CDH18: variants seen among roughly 807,000 people sequenced by gnomAD.
CDH18 encodes cadherin 18.
In CDH18, 31 loss-of-function variants were observed where a neutral mutation model predicts 67.9. That is an observed-to-expected ratio of 0.46 (90% CI 0.34 to 0.62). The LOEUF (loss-of-function observed/expected upper bound fraction) is 0.62. Among genes scored for constraint, CDH18 ranks in the 20% least tolerant of loss-of-function variants. The pLI is 0.01. For synonymous variants in CDH18, 362 were observed against 347.2 expected (o/e 1.04, Z -0.48); for missense variants, 890 against 975.5 (o/e 0.91, Z 1.17).
At chr5:19,638,880 G>A (rs923641894) in intron 5 of CDH18, among the ~76,000 whole-genome samples, 3 of 148,330 alleles carry the variant, frequency 2.0e-5, no homozygotes, top group African/African-American at 7.5e-5. Context: ...AACAAGGGGA[G>A]CAGTCAACAA....
chr5:19,658,298 T>C (rs181092656), intron 5 of CDH18, among the ~76,000 whole-genome samples: 1 of 152,124 alleles, frequency 6.6e-6, no homozygotes, highest in East Asian at 1.9e-4. Context: ...AAAATTATTT[T>C]TAATTAAAAC....
chr5:19,491,381 A>G (rs1741442474), intron 11 of CDH18, among the ~76,000 whole-genome samples: 1 of 152,172 alleles, frequency 6.6e-6, no homozygotes, highest in South Asian at 2.1e-4. Flanking sequence ...AAATGGTTAT[A>G]CTCTGTAGAG....
chr5:20,282,804 C>A (rs1478066446), intron 1 of CDH18, among the ~76,000 whole-genome samples: 1 of 151,794 alleles, frequency 6.6e-6, no homozygotes, highest in African/African-American at 2.4e-5. Context: ...ATATGAAACA[C>A]AAAAGACCAA....
chr5:19,577,769 A>G (rs1043600907), intron 7 of CDH18, among the ~76,000 whole-genome samples: 4 of 152,256 alleles, frequency 2.6e-5, no homozygotes, highest in African/African-American at 9.6e-5. Flanking sequence ...TCGTGGAGAC[A>G]GGCTATAGAG....
intron 3 of CDH18, among the ~76,000 whole-genome samples, chr5:19,788,883 C>G (rs990071305): frequency 6.6e-6 from 1 of 152,150 alleles, no homozygotes; most frequent in African/African-American, 2.4e-5. Context: ...TGGCCTTTCT[C>G]TTCTATTTTC....
intron 2 of CDH18, among the ~76,000 whole-genome samples, chr5:20,145,709 C>A (rs1341593767): frequency 6.6e-6 from 1 of 152,160 alleles, no homozygotes; most frequent in Non-Finnish European, 1.5e-5. Context: ...ACTAACCTCT[C>A]CCTGGTGCAA....
intron 3 of CDH18, among the ~76,000 whole-genome samples, chr5:19,800,648 A>G (rs1777363582): frequency 6.6e-6 from 1 of 152,184 alleles, no homozygotes; most frequent in Admixed American, 6.5e-5. Context: ...GACAAGGGAA[A>G]AAGAGGTAGG....
chr5:20,456,285 T>C (rs1201669361), intron 1 of CDH18, among the ~76,000 whole-genome samples: 1 of 152,162 alleles, frequency 6.6e-6, no homozygotes, highest in Non-Finnish European at 1.5e-5. Flanking sequence ...TTTTGCATAT[T>C]GCTGTACTCT....
At chr5:20,489,800 T>C (rs1341078069) in intron 1 of CDH18, among the ~76,000 whole-genome samples, 1 of 151,944 alleles carries the variant, frequency 6.6e-6, no homozygotes, top group Non-Finnish European at 1.5e-5. Flanking sequence ...CAAAATGAAA[T>C]ATAAAATAAC....
chr5:19,483,567 A>T lies in CDH18; in HGVS notation c.1631-15T>A, dbSNP rs1212424753. ...GGCTGTGTTATCTATGATAGACATA[A>T]GCAAAACAAAATACACTTAGTCAAG... On this transcript the variant is annotated splice_polypyrimidine_tract_variant and intron_variant, in intron 11 of 12. Transcript: ENST00000382275. The T allele has an allele frequency of 1.9e-6, 3 of 1,581,864 alleles. No homozygotes were observed. Among genetic ancestry groups the T allele is most frequent in the Non-Finnish European group, 2.6e-6 (3 of 1,162,168 alleles).
At chr5:20,547,146 A>G (rs919088098) in intron 1 of CDH18, among the ~76,000 whole-genome samples, 1 of 152,212 alleles carries the variant, frequency 6.6e-6, no homozygotes, top group African/African-American at 2.4e-5. Flanking sequence ...ATTTAAATTT[A>G]CCGATTCAAT....
chr5:20,546,125 T>C (rs1757328735), intron 1 of CDH18, among the ~76,000 whole-genome samples: 1 of 152,184 alleles, frequency 6.6e-6, no homozygotes. Context: ...ACCTTTACTC[T>C]GGTTCCCAAT....
chr5:20,178,802 G>A (rs1041480199), intron 2 of CDH18, among the ~76,000 whole-genome samples: 5 of 152,044 alleles, frequency 3.3e-5, no homozygotes, highest in Non-Finnish European at 5.9e-5. Flanking sequence ...TACCCTTCAC[G>A]GATGAGACCA....
chr5:20,272,166 G>T (rs568342724), intron 1 of CDH18, among the ~76,000 whole-genome samples: 3 of 151,986 alleles, frequency 2.0e-5, no homozygotes, highest in Admixed American at 6.6e-5. Flanking sequence ...AGCCTAAGAG[G>T]AAGAAGTGGA....
chr5:19,494,035 A>G (rs976463683), intron 11 of CDH18, among the ~76,000 whole-genome samples: 4 of 152,150 alleles, frequency 2.6e-5, no homozygotes, highest in African/African-American at 9.6e-5. Context: ...AAGAAGATCA[A>G]CTGGCTGTTC....
At chr5:19,960,586 T>TATATATATACACACAC (rs1357426735) in intron 2 of CDH18, among the ~76,000 whole-genome samples, 1,587 of 132,668 alleles carry the variant, frequency 0.012, 72 homozygotes, top group African/African-American at 0.051. Flanking sequence ...TGTGTGTGTG[T>TATATATATACACACAC]GTGTATATAT....
rs1171142702 is a variant in CDH18 at position 19,472,149 on chromosome 5, G to A, written c.*1077C>T. ...ATCTGAAACTGTGTAAGGAATAAAT[G>A]TAAGTCAACTATGATTCTATGACAT... On this transcript the variant is annotated 3_prime_UTR_variant, in exon 13 of 13. Transcript: ENST00000382275. Among the ~76,000 whole-genome samples, 1 of 152,144 alleles carries A rather than the reference G, an allele frequency of 6.6e-6. No individual in the cohort carries two copies. The highest frequency in any genetic ancestry group is 1.5e-5 in the Non-Finnish European group (1 of 68,028).
intron 3 of CDH18, among the ~76,000 whole-genome samples, chr5:19,828,768 G>A (rs908525202): frequency 1.3e-5 from 2 of 152,162 alleles, no homozygotes; most frequent in African/African-American, 4.8e-5. Context: ...TGGGCGCTGT[G>A]GCTCATGCCT....
chr5:19,843,028 T>C (rs1782519611), intron 2 of CDH18, among the ~76,000 whole-genome samples: 2 of 152,194 alleles, frequency 1.3e-5, no homozygotes, highest in Non-Finnish European at 2.9e-5. Context: ...TTTGGAAAAT[T>C]TTCAGCCTGA....
Sources: gnomAD v4.1 joint callset for allele counts (sites outside exome capture counted in the v4.1 genomes callset) on GRCh38, gnomAD v4.1.1 for gene constraint, MANE v1.5 for transcripts, NCBI Gene and HGNC (gene_info 2026-07-23, HGNC 2026-07-21) for gene names.